The following LHFPL3 variants were observed in gnomAD, a reference collection of about 807,000 sequenced individuals.
LHFPL3 encodes LHFPL tetraspan subfamily member 3 protein.
In LHFPL3, 5 loss-of-function variants were observed where a neutral mutation model predicts 19.3. The observed-to-expected ratio is 0.26, with a 90% CI of 0.14 to 0.54. LHFPL3 has a LOEUF of 0.54. LHFPL3 is among the 20% of genes least tolerant of loss of function. LHFPL3 has a pLI of 0.94. For missense variants in LHFPL3, 249 were observed against 307.4 expected (o/e 0.81, Z 1.42); for synonymous variants, 133 against 126.2 (o/e 1.05, Z -0.36).
At chr7:104,806,754 G>A (rs1354805743) in intron 2 of LHFPL3, among the ~76,000 whole-genome samples, 1 of 152,184 alleles carries the variant, frequency 6.6e-6, no homozygotes, top group Non-Finnish European at 1.5e-5. Context: ...GCCCCTGTGA[G>A]GCTGGGTCAT....
chr7:104,365,319 A>AAATAAAG lies in LHFPL3; in HGVS notation c.445+36097_445+36098insTAAAGAA, dbSNP rs374049959. 8.0e-3 allele frequency among the ~76,000 whole-genome samples: 1,218 copies of AAATAAAG among 152,202 alleles called. 20 individuals are homozygous for AAATAAAG. Among genetic ancestry groups the AAATAAAG allele is most frequent in the African/African-American group, 0.028 (1,175 of 41,524 alleles). On this transcript the variant is annotated intron_variant, in intron 1 of 2. Coordinates refer to ENST00000424859, the MANE Select transcript of LHFPL3 (RefSeq NM_199000.3). The stretch of plus-strand genomic sequence containing the variant: ...TGTCTCAAAAAAAATAAAAAATAAA[A>AAATAAAG]AAATAAAAAAGGAGGTGGGAGCGAG...
In LHFPL3 at chr7:104,451,200, G is replaced by T. The variant is rs112856686; in HGVS notation, c.445+121976G>T. Among the ~76,000 whole-genome samples the T allele has an allele frequency of 7.7e-3, 1,178 of 152,254 alleles. 13 individuals carry two copies. Among genetic ancestry groups the T allele is most frequent in the African/African-American group, 0.027 (1,122 of 41,550 alleles). On this transcript the variant is annotated intron_variant, in intron 1 of 2. Transcript: ENST00000424859. ...CAATGGCTAATTCGTTTTTTTCATG[G>T]AAATATCTGAAAGGGTGTTGAAAGA...
At chr7:104,642,074 G>C (rs1199480341) in intron 1 of LHFPL3, among the ~76,000 whole-genome samples, 1 of 115,826 alleles carries the variant, frequency 8.6e-6, no homozygotes, top group Non-Finnish European at 1.7e-5. Context: ...GTCTTGCTCT[G>C]TCACCCAGAC....
chr7:104,329,298 G>T (rs1451182576), intron 1 of LHFPL3, 74 bp downstream of exon 1: 9 of 1,498,300 alleles, frequency 6.0e-6, no homozygotes, highest in Non-Finnish European at 8.0e-6. Context: ...AGAGTGGGAG[G>T]GACGGGGGCT....
At chr7:104,387,247 A>G (rs2116463502) in intron 1 of LHFPL3, among the ~76,000 whole-genome samples, 1 of 152,308 alleles carries the variant, frequency 6.6e-6, no homozygotes, top group Non-Finnish European at 1.5e-5. Flanking sequence ...AGGTGCCTGT[A>G]ATCCCAGCTA....
At chr7:104,598,385 T>C (rs371912310) in intron 1 of LHFPL3, among the ~76,000 whole-genome samples, 107 of 152,326 alleles carry the variant, frequency 7.0e-4, no homozygotes, top group Non-Finnish European at 1.2e-3. Context: ...ATCAAGATCC[T>C]GAAGCATTTC....
At chr7:104,807,283 G>A (rs879549833) in intron 2 of LHFPL3, among the ~76,000 whole-genome samples, 2 of 152,080 alleles carry the variant, frequency 1.3e-5, no homozygotes, top group Non-Finnish European at 2.9e-5. Context: ...CACAAGCCAA[G>A]GAATGCCAGA....
chr7:104,822,238 T>C (rs927065636), intron 2 of LHFPL3, among the ~76,000 whole-genome samples: 1 of 152,254 alleles, frequency 6.6e-6, no homozygotes, highest in Non-Finnish European at 1.5e-5. Context: ...CATTGAGTTG[T>C]TGACAACTCT....
At chr7:104,849,325 G>A (rs974844974) in intron 2 of LHFPL3, among the ~76,000 whole-genome samples, 1 of 152,200 alleles carries the variant, frequency 6.6e-6, no homozygotes, top group Non-Finnish European at 1.5e-5. Context: ...TCTTGCCATA[G>A]AGGAAACCCC....
chr7:104,590,976 C>T (rs1340715276), intron 1 of LHFPL3, among the ~76,000 whole-genome samples: 1 of 152,148 alleles, frequency 6.6e-6, no homozygotes, highest in African/African-American at 2.4e-5. Flanking sequence ...GCAGATCATC[C>T]TCCATCCCTT....
At chr7:104,642,730 C>A (rs1158182765) in intron 1 of LHFPL3, among the ~76,000 whole-genome samples, 1 of 152,120 alleles carries the variant, frequency 6.6e-6, no homozygotes, top group Non-Finnish European at 1.5e-5. Context: ...ATGCAGGGTG[C>A]GACAGGAGAA....
chr7:104,373,043 G>T (rs1218836544), intron 1 of LHFPL3, among the ~76,000 whole-genome samples: 1 of 147,870 alleles, frequency 6.8e-6, no homozygotes, highest in Non-Finnish European at 1.5e-5. Context: ...GTGAAATGCT[G>T]CATGCACTAT....
At chr7:104,905,589 G>C (rs918229051) in intron 2 of LHFPL3, among the ~76,000 whole-genome samples, 1 of 151,966 alleles carries the variant, frequency 6.6e-6, no homozygotes, top group African/African-American at 2.4e-5. Context: ...ATAAATAAAA[G>C]AAACTTATGC....
At chr7:104,848,018 G>A (rs1169854341) in intron 2 of LHFPL3, among the ~76,000 whole-genome samples, 1 of 152,206 alleles carries the variant, frequency 6.6e-6, no homozygotes, top group Admixed American at 6.5e-5. Flanking sequence ...GAAAATCACA[G>A]AAGTGGATCA....
rs187511173 is a variant in LHFPL3 at position 104,853,347 on chromosome 7, T to C, written c.683-52840T>C. 1.4e-4 allele frequency among the ~76,000 whole-genome samples: 21 copies of C among 152,256 alleles called. No individual in the cohort carries two copies. In the East Asian group the frequency reaches 3.9e-3, roughly 28 times the overall value. ...AGTGACAGGCTGTGAGGATCCTAAG[T>C]ACCCCCATGCCAGAGGGAGTGCTTT... is the stretch of plus-strand genomic sequence containing the variant. On this transcript the variant is annotated intron_variant, in intron 2 of 2. Coordinates refer to ENST00000424859, the MANE Select transcript of LHFPL3 (RefSeq NM_199000.3).
chr7:104,840,473 C>CTT (rs1791180352), intron 2 of LHFPL3, among the ~76,000 whole-genome samples: 1 of 90,998 alleles, frequency 1.1e-5, no homozygotes, highest in African/African-American at 4.1e-5. Context: ...ATTTTCTTTT[C>CTT]CTTTTTTTTT....
At chr7:104,727,446 TTATAGC>T (rs1793612687) in intron 1 of LHFPL3, among the ~76,000 whole-genome samples, 1 of 152,236 alleles carries the variant, frequency 6.6e-6, no homozygotes, top group South Asian at 2.1e-4. Context: ...TTTAGGGCTT[TTATAGC>T]TTTGAGTTTT....
chr7:104,352,015 A>G (rs1444840085), intron 1 of LHFPL3, among the ~76,000 whole-genome samples: 1 of 152,144 alleles, frequency 6.6e-6, no homozygotes, highest in Admixed American at 6.5e-5. Context: ...CCCAGGCAAC[A>G]TAACGAGACC....
chr7:104,881,126 CA>C (rs1337236560), intron 2 of LHFPL3, among the ~76,000 whole-genome samples: 115 of 146,058 alleles, frequency 7.9e-4, no homozygotes, highest in African/African-American at 2.9e-3. Context: ...GCCGGGATAG[CA>C]CCACTGCACT....
Sources: allele counts gnomAD v4.1 joint callset (sites outside exome capture counted in the v4.1 genomes callset), GRCh38; gene constraint gnomAD v4.1.1; transcripts MANE v1.5; gene names NCBI Gene and HGNC (gene_info 2026-07-23, HGNC 2026-07-21).